Variants in MMP17 observed in about 807,000 individuals in gnomAD.
The protein encoded by MMP17 is matrix metalloproteinase-17.
Under a neutral mutation model 49.1 loss-of-function variants are expected in MMP17, and 54 were observed. That is an observed-to-expected ratio of 1.10 (90% CI 0.88 to 1.38). The LOEUF (loss-of-function observed/expected upper bound fraction) is 1.38, where lower values mean the gene tolerates loss of function less well. Among genes scored for constraint, MMP17 ranks in the 40% most tolerant of loss-of-function variants. The pLI is 0.00. For synonymous variants in MMP17, 397 were observed against 383.1 expected (o/e 1.04, Z -0.42); for missense variants, 837 against 853.7 (o/e 0.98, Z 0.24).
At chr12:131,837,092 C>G (rs1206534868) in intron 1 of MMP17, among the ~76,000 whole-genome samples, 1 of 152,238 alleles carries the variant, frequency 6.6e-6, no homozygotes, top group African/African-American at 2.4e-5. Context: ...TAGCCTTGCA[C>G]CCACCCCAGT....
rs187227243 is a variant in MMP17 at position 131,839,802 on chromosome 12, G to A, written c.423-771G>A. 2.9e-3 allele frequency among the ~76,000 whole-genome samples: 445 copies of A among 152,176 alleles called. 2 individuals carry two copies. The highest frequency in any genetic ancestry group is 3.2e-3 in the Non-Finnish European group (217 of 67,990). On this transcript the variant is annotated intron_variant, in intron 3 of 9. Coordinates refer to ENST00000360564, the MANE Select transcript of MMP17 (RefSeq NM_016155.7). The stretch of plus-strand genomic sequence containing the variant: ...GTCTCTACTAAAAATACAAAAATTA[G>A]CTGGGTATGGTGATGTGTGCCTGTA...
In MMP17 at chr12:131,841,668, G is replaced by C; in HGVS notation, c.751G>C (p.Gly251Arg). ...DLFAVAVHEF[G>R]HAIGLSHVAA... ...GTTTGCAGTGGCTGTCCACGAGTTT[G>C]GCCACGCCATTGGGTTAAGCCATGT... The change falls in exon 5 of 10, where the codon GGC becomes CGC. Residue 251 changes from glycine to arginine, a missense_variant. Transcript: ENST00000360564. 6.2e-7 allele frequency: 1 copy of C among 1,614,080 alleles called. No individual in the cohort carries two copies. The highest frequency in any genetic ancestry group is 8.5e-7 in the Non-Finnish European group (1 of 1,180,006).
chr12:131,829,284 G>A (rs1886674277), intron 1 of MMP17, among the ~76,000 whole-genome samples: 1 of 152,174 alleles, frequency 6.6e-6, no homozygotes, highest in South Asian at 2.1e-4. Context: ...AGCCGGGGGC[G>A]CGGGGAGAGC....
rs1887715409 is a variant in MMP17 at position 131,846,606 on chromosome 12, T to C, written c.1204+1157T>C. ...GCCAGGCTGGTCTCGAACTCCTGAC[T>C]TCAGGTGATCCACCCGCCTTGGTGT... On this transcript the variant is annotated intron_variant, in intron 8 of 9. Coordinates refer to ENST00000360564, the MANE Select transcript of MMP17 (RefSeq NM_016155.7). The surrounding 1 kb of genome is among the most constrained non-coding windows in gnomAD (Gnocchi z 4.6). 1.3e-5 allele frequency among the ~76,000 whole-genome samples: 2 copies of C among 152,012 alleles called. No homozygotes were observed. Among genetic ancestry groups the C allele is most frequent in the Admixed American group, 6.6e-5 (1 of 15,252 alleles).
At chr12:131,845,938 G>A (rs1887682834) in intron 8 of MMP17, among the ~76,000 whole-genome samples, 1 of 152,206 alleles carries the variant, frequency 6.6e-6, no homozygotes, top group Non-Finnish European at 1.5e-5. Flanking sequence ...ACAGAAGCGT[G>A]AGGGGCCGTG....
chr12:131,843,878 C>T (rs1350792359), intron 5 of MMP17, 119 bp from the exon 6 acceptor site: 1 of 706,282 alleles, frequency 1.4e-6, no homozygotes, highest in African/African-American at 1.8e-5. Flanking sequence ...GCTGCGCCCC[C>T]ACAGAGCCTG....
intron 1 of MMP17, among the ~76,000 whole-genome samples, chr12:131,832,753 T>G (rs1886888851): frequency 1.3e-5 from 2 of 151,868 alleles, no homozygotes; most frequent in Non-Finnish European, 2.9e-5. Context: ...AATAAGCAAG[T>G]CCCCTCCTCA....
At position 131,840,478 on chromosome 12, in the gene MMP17, G is replaced by A. The variant is rs1336931641; in HGVS notation, c.423-95G>A. 2.9e-6 allele frequency: 4 copies of A among 1,360,352 alleles called. No individual in the cohort carries two copies. The East Asian group carries it at 9.3e-5, about 32-fold the overall frequency. The allele number at this position is 1,360,352 out of a possible 1,614,324, so 84.3% of individuals were successfully genotyped here. On this transcript the variant is annotated intron_variant, in intron 3 of 9. Transcript: ENST00000360564. The stretch of plus-strand genomic sequence containing the variant: ...GAAGATGGGGGAGACCCTCATAGGG[G>A]CACCCCCGGGCTGAGGAGGGGCGTT...
intron 5 of MMP17, 126 bp downstream of exon 5, chr12:131,841,926 T>A: frequency 8.9e-7 from 1 of 1,123,986 alleles, no homozygotes; most frequent in Non-Finnish European, 1.2e-6. Flanking sequence ...GATGGTGCCG[T>A]GCCAGCTGGG....
At chr12:131,839,373 C>CTGGAGT (rs1452854943) in intron 3 of MMP17, among the ~76,000 whole-genome samples, 1 of 151,710 alleles carries the variant, frequency 6.6e-6, no homozygotes, top group African/African-American at 2.4e-5. Flanking sequence ...AGTGCAGTGG[C>CTGGAGT]GCAGTCACAG....
chr12:131,845,907 G>A (rs1395303906), intron 8 of MMP17, among the ~76,000 whole-genome samples: 2 of 152,202 alleles, frequency 1.3e-5, no homozygotes, highest in Non-Finnish European at 2.9e-5. Context: ...TGGAGTACCA[G>A]GGGCCTGGAG....
rs1240366067 is a variant in MMP17, at chr12:131,844,009, CTG to C, written c.900_901del (p.Pro302HisfsTer35). On this transcript the variant is annotated frameshift_variant, in exon 6 of 10. Transcript: ENST00000360564. LOFTEE classifies it high-confidence loss of function. ...TTGTCTCCCGCAGGTGTGCGGGAGT[CTG>C]TGTCTCCCACGGCGCAGCCCGAGGA... 1.9e-6 allele frequency: 3 copies of C among 1,563,118 alleles called. No individual in the cohort carries two copies. Among genetic ancestry groups the C allele is most frequent in the Admixed American group, 1.9e-5 (1 of 53,758 alleles).
In MMP17 at chr12:131,843,985, T is replaced by G; in HGVS notation, c.884-12T>G. 1.3e-6 allele frequency: 2 copies of G among 1,539,626 alleles called. No homozygotes were observed. On this transcript the variant is annotated splice_polypyrimidine_tract_variant and intron_variant, in intron 5 of 9. Transcript: ENST00000360564. ...GGGGGTTTGAGGCCGTCCTCCTCCT[T>G]GTCTCCCGCAGGTGTGCGGGAGTCT...
chr12:131,847,367 C>T (rs1410878955), intron 8 of MMP17, among the ~76,000 whole-genome samples: 2 of 147,192 alleles, frequency 1.4e-5, no homozygotes, highest in Non-Finnish European at 3.0e-5. Context: ...GAGGTGAGAT[C>T]ACACCACTGG....
intron 1 of MMP17, among the ~76,000 whole-genome samples, chr12:131,829,732 G>C (rs990871792): frequency 1.3e-5 from 2 of 152,260 alleles, no homozygotes; most frequent in African/African-American, 4.8e-5. Flanking sequence ...AGGCAGTCGA[G>C]GCATATGGAG....
intron 1 of MMP17, among the ~76,000 whole-genome samples, chr12:131,835,985 G>A (rs951940102): frequency 2.0e-5 from 3 of 152,208 alleles, no homozygotes; most frequent in African/African-American, 7.2e-5. Flanking sequence ...TGGAGGTCAG[G>A]GCGGAAGTGG....
At chr12:131,836,915 C>T (rs563816215) in intron 1 of MMP17, among the ~76,000 whole-genome samples, 1 of 152,168 alleles carries the variant, frequency 6.6e-6, no homozygotes, top group Non-Finnish European at 1.5e-5. Context: ...CTGCCATCCC[C>T]AGGTCCCCAC....
At chr12:131,836,646 C>T (rs1410146985) in intron 1 of MMP17, among the ~76,000 whole-genome samples, 4 of 149,814 alleles carry the variant, frequency 2.7e-5, no homozygotes, top group African/African-American at 9.9e-5. Context: ...TAAATAATAG[C>T]GATTCACAAG....
At chr12:131,849,478 G>A (rs932243035) in intron 8 of MMP17, among the ~76,000 whole-genome samples, 2 of 152,142 alleles carry the variant, frequency 1.3e-5, no homozygotes, top group African/African-American at 2.4e-5. Flanking sequence ...GCAAGACTCC[G>A]TCTCAAAAAA....
Sources: gnomAD v4.1 joint callset for allele counts (sites outside exome capture counted in the v4.1 genomes callset) on GRCh38, gnomAD v4.1.1 for gene constraint, Gnocchi (gnomAD v3.1) non-coding constraint, MANE v1.5 for transcripts, NCBI Gene and HGNC (gene_info 2026-07-23, HGNC 2026-07-21) for gene names.